ATG2B: variants seen among roughly 807,000 people sequenced by gnomAD.
ATG2B encodes autophagy-related protein 2 homolog B.
Under a neutral mutation model 241.3 loss-of-function variants are expected in ATG2B, and 121 were observed. The ratio of observed to expected loss-of-function variants is 0.50; its 90% CI spans 0.43 to 0.58. The LOEUF (loss-of-function observed/expected upper bound fraction) is 0.58. Among genes scored for constraint, ATG2B ranks in the 20% least tolerant of loss-of-function variants. The pLI, the probability that ATG2B is intolerant of heterozygous loss-of-function variation, is 0.00. For synonymous variants in ATG2B, 858 were observed against 876.6 expected, an observed-to-expected ratio of 0.98 and a Z score of 0.37; for missense variants, 2,306 against 2,491.6, an observed-to-expected ratio of 0.93 and a Z score of 1.59.
intron 33 of ATG2B, 123 bp downstream of exon 33, chr14:96,302,938 C>A: frequency 1.3e-6 from 1 of 759,956 alleles, no homozygotes; most frequent in Non-Finnish European, 2.0e-6. Flanking sequence ...TCAAAAGGGA[C>A]TTTTCACATT....
intron 34 of ATG2B, among the ~76,000 whole-genome samples, chr14:96,299,478 T>A (rs1013369268): frequency 6.6e-6 from 1 of 152,202 alleles, no homozygotes; most frequent in Admixed American, 6.5e-5. Context: ...ATCCCCAGCA[T>A]CCTAATATAA....
At position 96,329,594 on chromosome 14, in the gene ATG2B, G is replaced by A. The variant is rs775624055; in HGVS notation, c.1771C>T (p.Gln591Ter). ...TGIKVSYEQR[Q>*]RSASRYFSTD... ...CTAAAATATCGGGAAGCTGATCTTT[G>A]TCTTTGTTCATAGGATACTTTAATG... Residue 591 changes from glutamine (Q) to a stop codon, truncating the protein, a stop_gained, in exon 12 of 42, where the codon CAA becomes TAA. Transcript: ENST00000359933. LOFTEE classifies it high-confidence loss of function. 6.2e-7 allele frequency: 1 copy of A among 1,609,256 alleles called. No individual in the cohort carries two copies. Among genetic ancestry groups the A allele is most frequent in the Non-Finnish European group, 8.5e-7 (1 of 1,176,010 alleles).
rs1566719878 is a variant in ATG2B, at chr14:96,308,266, A to ATATATATATATATG, written c.4303+1186_4303+1187insCATATATATATATA. Among the ~76,000 whole-genome samples, 38 of 15,526 alleles carry ATATATATATATATG rather than the reference A, an allele frequency of 2.4e-3. 1 individual carries two copies. Among genetic ancestry groups the ATATATATATATATG allele is most frequent in the Non-Finnish European group, 3.6e-3 (27 of 7,590 alleles). The allele number at this position is 15,526 out of a possible 152,430, so 10.2% of individuals were successfully genotyped here. A position where few individuals can be genotyped will look rare whatever the true frequency, so the allele number is the denominator to read the frequency against. On this transcript the variant is annotated intron_variant, in intron 29 of 41. Transcript: ENST00000359933. ...TATATATATATACACACATATATAT[A>ATATATATATATATG]TATATATATATATATATTTTTTTTT...
intron 6 of ATG2B, among the ~76,000 whole-genome samples, chr14:96,340,926 G>GAAA (rs34515724): frequency 2.6e-4 from 29 of 112,922 alleles, no homozygotes; most frequent in Non-Finnish European, 4.0e-4. Flanking sequence ...ACCCCATCTC[G>GAAA]AAAAAAAAAA....
intron 34 of ATG2B, among the ~76,000 whole-genome samples, chr14:96,299,989 C>G (rs564786147): frequency 6.6e-6 from 1 of 152,124 alleles, no homozygotes; most frequent in Non-Finnish European, 1.5e-5. Context: ...TTAAAAGAGG[C>G]GAACTGAAAA....
chr14:96,337,043 T>C (rs1193626339), intron 6 of ATG2B, among the ~76,000 whole-genome samples: 1 of 152,202 alleles, frequency 6.6e-6, no homozygotes, highest in African/African-American at 2.4e-5. Flanking sequence ...AAAAATCATT[T>C]TATGTATATT....
intron 6 of ATG2B, among the ~76,000 whole-genome samples, chr14:96,339,341 CACAA>C (rs1432127144): frequency 2.6e-5 from 4 of 151,216 alleles, no homozygotes; most frequent in East Asian, 1.9e-4. Flanking sequence ...CACATATATA[CACAA>C]ACATATATAT....
At chr14:96,292,902 A>G (rs1886527753) in intron 36 of ATG2B, 1 of 152,210 alleles carries the variant, frequency 6.6e-6, no homozygotes, top group Admixed American at 6.5e-5. Flanking sequence ...TATGCCACAC[A>G]TATCCTTTCA....
intron 25 of ATG2B, among the ~76,000 whole-genome samples, chr14:96,312,598 T>A (rs80164114): frequency 2.6e-5 from 4 of 151,922 alleles, no homozygotes; most frequent in Non-Finnish European, 4.4e-5. Context: ...ACTTTTTTTT[T>A]AATCAGCCAG....
In ATG2B at chr14:96,334,508, G is replaced by C. The variant is rs780426046; in HGVS notation, c.925-7C>G. 1 of 1,539,788 alleles carries C rather than the reference G, an allele frequency of 6.5e-7. No homozygotes were observed. Among genetic ancestry groups the C allele is most frequent in the Non-Finnish European group, 8.8e-7 (1 of 1,134,298 alleles). On this transcript the variant is annotated splice_region_variant and splice_polypyrimidine_tract_variant and intron_variant, in intron 6 of 41. Transcript: ENST00000359933. ...TCTGTCCATCAACATCCAACTTAAG[G>C]GAAAAAAAAAAACTATTCATGAGGA...
chr14:96,296,635 C>A (rs1886647800), intron 34 of ATG2B, among the ~76,000 whole-genome samples: 1 of 151,838 alleles, frequency 6.6e-6, no homozygotes, highest in African/African-American at 2.4e-5. Flanking sequence ...GTGGCAGGTG[C>A]CTATAATCCC....
chr14:96,346,591 C>A (rs1035941283), intron 2 of ATG2B, among the ~76,000 whole-genome samples: 1 of 152,182 alleles, frequency 6.6e-6, no homozygotes, highest in African/African-American at 2.4e-5. Flanking sequence ...TGCATACCAA[C>A]ATACCTGTCA....
rs1886435627 is a variant in ATG2B, at chr14:96,289,815, T to G, written c.5857-10A>C. On this transcript the variant is annotated splice_polypyrimidine_tract_variant and intron_variant, in intron 40 of 41. Coordinates refer to ENST00000359933, the MANE Select transcript of ATG2B (RefSeq NM_018036.7). The surrounding 1 kb of genome is among the most constrained non-coding windows in gnomAD (Gnocchi z 4.3). The stretch of plus-strand genomic sequence containing the variant: ...CAGTCTCTGCAGCTGCCTGGATCAT[T>G]TTGTCAAAAGGAAGAAATGAATTAG... 1.2e-6 allele frequency: 2 copies of G among 1,613,724 alleles called. No homozygotes were observed. Among genetic ancestry groups the G allele is most frequent in the East Asian group, 2.2e-5 (1 of 44,870 alleles).
At chr14:96,320,336 G>A (rs909992034) in intron 18 of ATG2B, among the ~76,000 whole-genome samples, 6 of 151,962 alleles carry the variant, frequency 3.9e-5, no homozygotes, top group African/African-American at 4.8e-5. Context: ...AAACTGTACC[G>A]TTTTAATTAA....
At position 96,285,772 on chromosome 14, in the gene ATG2B, G is replaced by A. The variant is rs778399547; in HGVS notation, c.6220C>T (p.Arg2074Cys). 58 of 1,613,662 alleles carry A rather than the reference G, an allele frequency of 3.6e-5. No homozygotes were observed. Among genetic ancestry groups the A allele is most frequent in the Non-Finnish European group, 4.7e-5 (55 of 1,179,986 alleles). The stretch of plus-strand genomic sequence containing the variant: ...CCAAGCCATCAGTCATCCCCGTGGC[G>A]CCATTTCTGTGACTCGTCTTGCCGG... ...DVRQDESQKW[R>C]HGDD is the part of the protein sequence containing the mutation. Residue 2074 changes from arginine (R) to cysteine (C), a missense_variant, in exon 42 of 42, where the codon CGC (arginine) becomes TGC (cysteine). By Grantham distance (180) the Arg-to-Cys change is radical. Around this residue, in one of 2 missense-constraint regions of ATG2B, gnomAD observed 379 missense variants for 480.4 expected, o/e 0.79. Transcript: ENST00000359933. This position sits in a 1 kb window ranked among gnomAD's most constrained non-coding sequence, Gnocchi z 4.2.
chr14:96,363,259 G>C lies in ATG2B; in HGVS notation c.-283C>G. The C allele has an allele frequency of 2.8e-6, 1 of 361,184 alleles. No individual in the cohort carries two copies. The highest frequency in any genetic ancestry group is 5.1e-6 in the Non-Finnish European group (1 of 197,066). 22.4% of individuals were successfully genotyped at this position (361,184 alleles called of 1,614,324 possible). On this transcript the variant is annotated 5_prime_UTR_variant, in exon 1 of 42. Coordinates refer to ENST00000359933, the MANE Select transcript of ATG2B (RefSeq NM_018036.7). The stretch of plus-strand genomic sequence containing the variant: ...GAGAGAGTGCAAGAGAGCGCGAGAG[G>C]AGGCGGCAGGGGCTGAGGCAGCCAC...
At chr14:96,291,037 A>C in intron 38 of ATG2B, 102 bp from the exon 39 acceptor site, 1 of 990,308 alleles carries the variant, frequency 1.0e-6, no homozygotes, top group African/African-American at 1.6e-5. Flanking sequence ...TACAAATTAT[A>C]AGGGCAAATA....
chr14:96,317,174 C>T lies in ATG2B; in HGVS notation c.3181G>A (p.Gly1061Arg). ...ACATCTGTGAACACTGCTATTAATC[C>T]ATGATTAATATTCAGAAGAACTGAG... Reference protein sequence around the residue: ...FLSVLLNINHGLIAVFTDVKQ... With the variant: ...FLSVLLNINHRLIAVFTDVKQ... The change falls in exon 20 of 42, where the codon GGA (glycine) becomes AGA (arginine). Residue 1061 changes from glycine (G) to arginine (R), a missense_variant. Coordinates refer to ENST00000359933, the MANE Select transcript of ATG2B (RefSeq NM_018036.7). 1.9e-6 allele frequency: 3 copies of T among 1,612,130 alleles called. No individual in the cohort carries two copies. The highest frequency in any genetic ancestry group is 2.5e-6 in the Non-Finnish European group (3 of 1,178,922).
At chr14:96,330,790 A>C (rs768811802) in intron 11 of ATG2B, among the ~76,000 whole-genome samples, 14 of 152,080 alleles carry the variant, frequency 9.2e-5, no homozygotes, top group Non-Finnish European at 1.8e-4. Context: ...CAAAACAAAA[A>C]AACCAACTAT....
Sources: gnomAD v4.1 joint callset for allele counts (sites outside exome capture counted in the v4.1 genomes callset) on GRCh38, gnomAD v4.1.1 for gene constraint, gnomAD v4.1.1 regional missense constraint, Gnocchi (gnomAD v3.1) non-coding constraint, MANE v1.5 for transcripts, NCBI Gene and HGNC (gene_info 2026-07-23, HGNC 2026-07-21) for gene names.